KHDRBS2: variants seen among roughly 807,000 people sequenced by gnomAD.
KHDRBS2 encodes the protein KH domain-containing, RNA-binding, signal transduction-associated protein 2.
A neutral mutation model predicts 44.3 loss-of-function variants in KHDRBS2; 26 were observed. That is an observed-to-expected ratio of 0.59 (90% CI 0.43 to 0.81). The LOEUF (loss-of-function observed/expected upper bound fraction) is 0.81. KHDRBS2 is among the 40% of genes least tolerant of loss of function. The probability of loss-of-function intolerance (pLI) is 0.00; values close to 1 mark genes in which losing one functional copy is unlikely to be tolerated. For synonymous variants in KHDRBS2, 194 were observed against 151.1 expected (o/e 1.28, Z -2.08); for missense variants, 476 against 433.1 (o/e 1.10, Z -0.88).
chr6:62,172,159 C>T (rs1300168132), intron 2 of KHDRBS2, among the ~76,000 whole-genome samples: 1 of 152,040 alleles, frequency 6.6e-6, no homozygotes, highest in Non-Finnish European at 1.5e-5. Context: ...CAAGACCCAA[C>T]TGTATGTTCC....
the KHDRBS2 span, among the ~76,000 whole-genome samples, chr6:61,656,281 T>C: frequency 6.6e-6 from 1 of 151,996 alleles, no homozygotes; most frequent in Non-Finnish European, 1.5e-5. Context: ...AATATACTTA[T>C]TGAGAACCTT....
At chr6:62,118,939 G>A (rs747316152) in intron 2 of KHDRBS2, among the ~76,000 whole-genome samples, 1 of 152,050 alleles carries the variant, frequency 6.6e-6, no homozygotes, top group Non-Finnish European at 1.5e-5. Context: ...GACCTATTAG[G>A]GAATTTCACC....
intron 1 of KHDRBS2, among the ~76,000 whole-genome samples, chr6:62,242,259 C>T (rs1834797330): frequency 6.6e-6 from 1 of 152,142 alleles, no homozygotes; most frequent in Non-Finnish European, 1.5e-5. Context: ...CTATATCAGC[C>T]TAAAGCAGCC....
At chr6:61,644,951 A>G in the KHDRBS2 span, among the ~76,000 whole-genome samples, 3 of 152,248 alleles carry the variant, frequency 2.0e-5, no homozygotes, top group Middle Eastern at 0.01. Context: ...TCAACCCAGC[A>G]ATCTCATTAC....
chr6:62,192,536 G>T (rs1038770931), intron 1 of KHDRBS2, among the ~76,000 whole-genome samples: 58 of 152,034 alleles, frequency 3.8e-4, no homozygotes, highest in African/African-American at 1.3e-3. Flanking sequence ...AGATGTGCTT[G>T]AATTTGTATT....
At chr6:61,668,811 T>A in the KHDRBS2 span, among the ~76,000 whole-genome samples, 1 of 151,004 alleles carries the variant, frequency 6.6e-6, no homozygotes. Flanking sequence ...TATAATAAGG[T>A]ATAAAATATA....
At chr6:61,991,050 T>C (rs1776050370) in intron 3 of KHDRBS2, among the ~76,000 whole-genome samples, 1 of 152,106 alleles carries the variant, frequency 6.6e-6, no homozygotes, top group Non-Finnish European at 1.5e-5. Flanking sequence ...GACTCCTGAG[T>C]TCCCAGGGCC....
the KHDRBS2 span, among the ~76,000 whole-genome samples, chr6:61,631,492 G>A: frequency 0.14 from 20,967 of 151,968 alleles, 2,017 homozygotes; most frequent in South Asian, 0.26. Context: ...ATATGTCTTT[G>A]TGAGTGTTTG....
At chr6:61,702,186 A>G (rs1234933649) in intron 7 of KHDRBS2, among the ~76,000 whole-genome samples, 1 of 151,934 alleles carries the variant, frequency 6.6e-6, no homozygotes, top group Non-Finnish European at 1.5e-5. Flanking sequence ...GCTCAAGACT[A>G]CATTTTCTAG....
the KHDRBS2 span, among the ~76,000 whole-genome samples, chr6:61,578,177 G>A: frequency 6.6e-6 from 1 of 152,042 alleles, no homozygotes; most frequent in Non-Finnish European, 1.5e-5. Context: ...ATGAATAGTG[G>A]GGAGATCAGG....
At chr6:61,898,213 T>C (rs1382289746) in intron 5 of KHDRBS2, among the ~76,000 whole-genome samples, 1 of 152,032 alleles carries the variant, frequency 6.6e-6, no homozygotes, top group Non-Finnish European at 1.5e-5. Flanking sequence ...AATTGTTAAC[T>C]CATGTTATGC....
intron 3 of KHDRBS2, among the ~76,000 whole-genome samples, chr6:62,047,305 A>G (rs867115152): frequency 6.6e-6 from 1 of 152,010 alleles, no homozygotes; most frequent in South Asian, 2.1e-4. Context: ...TGTAGTACAG[A>G]TGTGAAATAA....
chr6:62,055,609 T>A (rs1255822687), intron 2 of KHDRBS2, among the ~76,000 whole-genome samples: 2 of 152,028 alleles, frequency 1.3e-5, no homozygotes, highest in African/African-American at 2.4e-5. Flanking sequence ...ACAAGAGTAT[T>A]CAGTCTCAAT....
chr6:61,604,045 A>T, the KHDRBS2 span, among the ~76,000 whole-genome samples: 1 of 152,068 alleles, frequency 6.6e-6, no homozygotes, highest in East Asian at 1.9e-4. Context: ...CTACCTCTCA[A>T]CCAGCCAAAC....
chr6:62,221,927 C>T (rs1156783862), intron 1 of KHDRBS2, among the ~76,000 whole-genome samples: 2 of 152,034 alleles, frequency 1.3e-5, no homozygotes. Context: ...AACTAAAAAA[C>T]ATACCAATAA....
chr6:61,745,607 C>T (rs137969704), intron 6 of KHDRBS2, among the ~76,000 whole-genome samples: 11 of 152,240 alleles, frequency 7.2e-5, no homozygotes, highest in South Asian at 2.1e-4. Context: ...ATTGTTAATG[C>T]TGTCATGACT....
chr6:61,810,476 C>T (rs1787944165), intron 6 of KHDRBS2, among the ~76,000 whole-genome samples: 1 of 151,984 alleles, frequency 6.6e-6, no homozygotes. Flanking sequence ...ATTTTCCAGC[C>T]ATCAGGTCAC....
chr6:61,611,297 G>A, the KHDRBS2 span, among the ~76,000 whole-genome samples: 2 of 152,026 alleles, frequency 1.3e-5, no homozygotes, highest in Admixed American at 6.6e-5. Context: ...GCATATACTG[G>A]TATACAAAGC....
At chr6:62,029,058 T>G (rs1254670270) in intron 3 of KHDRBS2, among the ~76,000 whole-genome samples, 1 of 151,980 alleles carries the variant, frequency 6.6e-6, no homozygotes, top group Non-Finnish European at 1.5e-5. Flanking sequence ...TCAAACCAAG[T>G]TAGAAAAGAC....
Sources: gnomAD v4.1 joint callset for allele counts (sites outside exome capture counted in the v4.1 genomes callset) on GRCh38, gnomAD v4.1.1 for gene constraint, MANE v1.5 for transcripts, NCBI Gene and HGNC (gene_info 2026-07-23, HGNC 2026-07-21) for gene names.